The following WWOX variants were observed in gnomAD, a reference collection of about 807,000 sequenced individuals.
The protein encoded by WWOX is WW domain-containing oxidoreductase.
A neutral mutation model predicts 46.2 loss-of-function variants in WWOX; 69 were observed. The observed-to-expected ratio is 1.49, with a 90% CI of 1.23 to 1.82. The LOEUF is 1.82. WWOX is among the 40% of genes most tolerant of loss of function. The pLI is 0.00. For synonymous variants in WWOX, 359 were observed against 202.6 expected, an observed-to-expected ratio of 1.77 and a Z score of -6.56; for missense variants, 919 against 542.6, an observed-to-expected ratio of 1.69 and a Z score of -6.89.
chr16:78,737,310 T>G (rs1435359352), intron 8 of WWOX, among the ~76,000 whole-genome samples: 1 of 109,992 alleles, frequency 9.1e-6, no homozygotes, highest in Admixed American at 8.1e-5. Flanking sequence ...AATATATATA[T>G]TTTTTAGTAC....
chr16:78,902,651 A>G (rs1459326486), intron 8 of WWOX, among the ~76,000 whole-genome samples: 1 of 152,178 alleles, frequency 6.6e-6, no homozygotes, highest in African/African-American at 2.4e-5. Flanking sequence ...TGGGTAAACC[A>G]TTAGGCCGGC....
At chr16:78,374,724 G>C (rs183208617) in intron 5 of WWOX, among the ~76,000 whole-genome samples, 1 of 151,492 alleles carries the variant, frequency 6.6e-6, no homozygotes, top group Non-Finnish European at 1.5e-5. Context: ...AATTTTTTTT[G>C]TATTATTAGT....
chr16:79,110,807 C>G (rs2049402367), intron 8 of WWOX: 1 of 152,128 alleles, frequency 6.6e-6, no homozygotes, highest in South Asian at 2.1e-4. Flanking sequence ...CCCAGCTCTG[C>G]CTTTTATCAG....
At chr16:78,577,588 A>C (rs569484378) in intron 8 of WWOX, among the ~76,000 whole-genome samples, 3 of 152,310 alleles carry the variant, frequency 2.0e-5, no homozygotes, top group African/African-American at 7.2e-5. Context: ...ACGATGAACA[A>C]TTTACTTATG....
At chr16:78,349,300 A>G (rs2081146929) in intron 5 of WWOX, among the ~76,000 whole-genome samples, 1 of 120,196 alleles carries the variant, frequency 8.3e-6, no homozygotes, top group African/African-American at 2.8e-5. Context: ...TCACCTCTTT[A>G]TAGGCCGTAC....
chr16:78,378,719 G>T (rs1006141989), intron 5 of WWOX, among the ~76,000 whole-genome samples: 3 of 152,184 alleles, frequency 2.0e-5, no homozygotes, highest in Non-Finnish European at 4.4e-5. Flanking sequence ...AGAGACATCA[G>T]CATAATGCAA....
intron 8 of WWOX, among the ~76,000 whole-genome samples, chr16:79,026,330 C>T (rs7196645): frequency 0.054 from 8,221 of 151,680 alleles, 323 homozygotes; most frequent in African/African-American, 0.065. Context: ...GAGGCTCTCC[C>T]TTCACCTTCA....
chr16:78,883,221 C>G (rs1261401596), intron 8 of WWOX, among the ~76,000 whole-genome samples: 1 of 152,096 alleles, frequency 6.6e-6, no homozygotes. Context: ...AGTAGCCTCC[C>G]CTCTTAAGCT....
At chr16:78,401,688 A>G (rs543161114) in intron 6 of WWOX, among the ~76,000 whole-genome samples, 26 of 152,012 alleles carry the variant, frequency 1.7e-4, no homozygotes, top group Non-Finnish European at 3.5e-4. Context: ...CATAATTTAC[A>G]TACAATACAA....
At position 78,267,434 on chromosome 16, in the gene WWOX, T is replaced by G. The variant is rs1299966413; in HGVS notation, c.516+103145T>G. On this transcript the variant is annotated intron_variant, in intron 5 of 8. Transcript: ENST00000566780. ...TTTGCACAATTTGGATATTTTATTT[T>G]GTAGTCTATTAAAATGTGAAAGTCA... Among the ~76,000 whole-genome samples the G allele has an allele frequency of 4.5e-4, 68 of 152,254 alleles. 1 individual carries two copies. The highest frequency in any genetic ancestry group is 2.9e-5 in the Non-Finnish European group (2 of 68,044).
intron 8 of WWOX, among the ~76,000 whole-genome samples, chr16:78,724,416 A>T (rs777381862): frequency 6.6e-6 from 1 of 152,198 alleles, no homozygotes. Flanking sequence ...GTTCCAGAAG[A>T]AGTTAAGGTA....
intron 8 of WWOX, among the ~76,000 whole-genome samples, chr16:79,045,508 C>A (rs943721813): frequency 2.0e-5 from 3 of 152,172 alleles, no homozygotes; most frequent in African/African-American, 7.2e-5. Context: ...GTTAGTTTCC[C>A]TTACTTGGAT....
At chr16:78,721,197 A>C (rs2048681290) in intron 8 of WWOX, among the ~76,000 whole-genome samples, 1 of 152,326 alleles carries the variant, frequency 6.6e-6, no homozygotes, top group African/African-American at 2.4e-5. Flanking sequence ...ATTATAGGCC[A>C]TTATACTTTC....
chr16:79,100,401 CA>C (rs1236303503), intron 8 of WWOX, among the ~76,000 whole-genome samples: 2 of 151,952 alleles, frequency 1.3e-5, no homozygotes, highest in East Asian at 3.9e-4. Flanking sequence ...GGGTTTAAGC[CA>C]ATACGAGATG....
chr16:78,840,529 T>A (rs2052110632), intron 8 of WWOX, among the ~76,000 whole-genome samples: 1 of 152,306 alleles, frequency 6.6e-6, no homozygotes, highest in East Asian at 1.9e-4. Context: ...GTGGTTTATT[T>A]TGCATTGTTT....
intron 8 of WWOX, among the ~76,000 whole-genome samples, chr16:78,741,085 T>C: frequency 6.6e-6 from 1 of 152,138 alleles, no homozygotes; most frequent in East Asian, 1.9e-4. Context: ...TCAATAAATT[T>C]TTACTGAAAC....
chr16:78,827,890 C>T (rs8048957), intron 8 of WWOX, among the ~76,000 whole-genome samples: 119,949 of 152,112 alleles, frequency 0.79, 47,609 homozygotes, highest in Non-Finnish European at 0.83. Flanking sequence ...GTGTTGTTAT[C>T]TCAGGATGGG....
chr16:79,084,802 CTG>C (rs1426984423), intron 8 of WWOX, among the ~76,000 whole-genome samples: 1 of 152,146 alleles, frequency 6.6e-6, no homozygotes, highest in Admixed American at 6.5e-5. Flanking sequence ...AGAAAGGAGT[CTG>C]TGGAAGTGAC....
intron 5 of WWOX, among the ~76,000 whole-genome samples, chr16:78,337,907 G>A (rs149861771): frequency 8.7e-6 from 1 of 114,678 alleles, no homozygotes; most frequent in East Asian, 1.9e-4. Context: ...GTTCCTGGCA[G>A]TGCCTGTCCT....
Sources: gnomAD v4.1 joint callset for allele counts (sites outside exome capture counted in the v4.1 genomes callset) on GRCh38, gnomAD v4.1.1 for gene constraint, MANE v1.5 for transcripts, NCBI Gene and HGNC (gene_info 2026-07-23, HGNC 2026-07-21) for gene names.